NEK7: variants seen among roughly 807,000 people sequenced by gnomAD.
NEK7 encodes the protein NIMA related kinase 7, also known as serine/threonine-protein kinase Nek7.
Under a neutral mutation model 44.6 loss-of-function variants are expected in NEK7, and 18 were observed. That is an observed-to-expected ratio of 0.40 (90% CI 0.28 to 0.60). NEK7 has a LOEUF of 0.60. Ranked by LOEUF, NEK7 falls within the 20% of genes least tolerant of loss-of-function variation. NEK7 has a pLI of 0.38. For synonymous variants in NEK7, 130 were observed against 121.1 expected (o/e 1.07, Z -0.48); for missense variants, 256 against 366.5 (o/e 0.70, Z 2.46).
At chr1:198,301,116 G>A (rs1308959428) in intron 9 of NEK7, among the ~76,000 whole-genome samples, 1 of 152,160 alleles carries the variant, frequency 6.6e-6, no homozygotes, top group African/African-American at 2.4e-5. Flanking sequence ...AACTGATACT[G>A]TTAAAATGTC....
At chr1:198,240,499 CAAAAA>C (rs11415702) in intron 2 of NEK7, among the ~76,000 whole-genome samples, 1 of 123,380 alleles carries the variant, frequency 8.1e-6, no homozygotes, top group African/African-American at 2.7e-5. Flanking sequence ...GACTCCGTCT[CAAAAA>C]AAAAAAAAAA....
chr1:198,199,657 G>T (rs1178091821), intron 1 of NEK7, among the ~76,000 whole-genome samples: 1 of 151,820 alleles, frequency 6.6e-6, no homozygotes, highest in Non-Finnish European at 1.5e-5. Flanking sequence ...ACGTCTTGCT[G>T]ACGTGTATCT....
intron 8 of NEK7, among the ~76,000 whole-genome samples, chr1:198,295,043 AT>A (rs1239263693): frequency 6.6e-6 from 1 of 151,622 alleles, no homozygotes. Context: ...TTGAAAATGT[AT>A]TTTAAACTCA....
At chr1:198,260,901 G>A (rs1653441042) in intron 3 of NEK7, among the ~76,000 whole-genome samples, 2 of 149,346 alleles carry the variant, frequency 1.3e-5, no homozygotes, top group Admixed American at 6.6e-5. Context: ...ATTCTTTAAG[G>A]CAGTGAGTTT....
chr1:198,238,164 C>G (rs1558071658), intron 2 of NEK7, among the ~76,000 whole-genome samples: 1 of 152,112 alleles, frequency 6.6e-6, no homozygotes, highest in African/African-American at 2.4e-5. Flanking sequence ...TAATTTTTCC[C>G]CACCTCCTTG....
chr1:198,320,255 A>G lies in NEK7; in HGVS notation c.*733A>G, dbSNP rs898916107. On this transcript the variant is annotated 3_prime_UTR_variant, in exon 10 of 10. Transcript: ENST00000367385. ...GTTAAGGATTTGTTTAGCTGGTGTG[A>G]TAATAATTTTTAAAGTTGCACATTG... 3.3e-5 allele frequency: 5 copies of G among 152,156 alleles called. No individual in the cohort carries two copies. Among genetic ancestry groups the G allele is most frequent in the Non-Finnish European group, 7.4e-5 (5 of 68,008 alleles). The allele number at this position is 152,156 out of a possible 1,614,324, so 9.4% of individuals were successfully genotyped here.
chr1:198,268,765 A>G (rs573436185), intron 5 of NEK7, among the ~76,000 whole-genome samples: 15 of 152,254 alleles, frequency 9.9e-5, no homozygotes, highest in Admixed American at 4.6e-4. Flanking sequence ...GTGTATTCAC[A>G]TATCCCAAGT....
intron 1 of NEK7, among the ~76,000 whole-genome samples, chr1:198,211,526 T>A (rs1188609605): frequency 6.6e-6 from 1 of 152,228 alleles, no homozygotes; most frequent in African/African-American, 2.4e-5. Context: ...TTGAGGTGTT[T>A]TAATATTTTT....
At chr1:198,315,504 G>A (rs919068188) in intron 9 of NEK7, among the ~76,000 whole-genome samples, 1 of 152,196 alleles carries the variant, frequency 6.6e-6, no homozygotes, top group African/African-American at 2.4e-5. Context: ...GGTATGAGGA[G>A]CCATTGAAAT....
chr1:198,271,765 C>T (rs944472044), intron 5 of NEK7, among the ~76,000 whole-genome samples: 5 of 151,632 alleles, frequency 3.3e-5, no homozygotes, highest in Non-Finnish European at 7.4e-5. Flanking sequence ...CCCACTAAGT[C>T]TTTTGTATGA....
At chr1:198,216,349 G>A (rs1232602443) in intron 1 of NEK7, among the ~76,000 whole-genome samples, 2 of 151,936 alleles carry the variant, frequency 1.3e-5, no homozygotes, top group Non-Finnish European at 2.9e-5. Flanking sequence ...TTAACCATGA[G>A]ATCAAGATGG....
intron 2 of NEK7, among the ~76,000 whole-genome samples, chr1:198,242,964 C>G (rs1292781696): frequency 6.6e-6 from 1 of 151,886 alleles, no homozygotes; most frequent in Non-Finnish European, 1.5e-5. Context: ...GCCACCTCGC[C>G]AGAGTGCTCA....
intron 2 of NEK7, among the ~76,000 whole-genome samples, chr1:198,237,329 G>A (rs996830862): frequency 6.6e-6 from 1 of 152,036 alleles, no homozygotes; most frequent in African/African-American, 2.4e-5. Context: ...CCTCTGCCCC[G>A]AATTCCAAAC....
At chr1:198,157,972 G>A (rs1006172058) in intron 1 of NEK7, among the ~76,000 whole-genome samples, 54 of 152,332 alleles carry the variant, frequency 3.5e-4, no homozygotes, top group African/African-American at 1.1e-3. Flanking sequence ...ACAGAGAAAA[G>A]TGACAAGACC....
At chr1:198,317,883 T>TTTA (rs1553258431) in intron 9 of NEK7, among the ~76,000 whole-genome samples, 14 of 42,810 alleles carry the variant, frequency 3.3e-4, no homozygotes, top group African/African-American at 6.8e-4. Flanking sequence ...ATTTATTTTT[T>TTTA]TTTTTTTTTT....
chr1:198,159,253 A>G (rs367594884), intron 1 of NEK7, among the ~76,000 whole-genome samples: 1 of 152,000 alleles, frequency 6.6e-6, no homozygotes, highest in South Asian at 2.1e-4. Flanking sequence ...TTTTCTAGGG[A>G]TGTCTGCGGA....
chr1:198,200,868 CTCCAG>C (rs1665412131), intron 1 of NEK7, among the ~76,000 whole-genome samples: 1 of 152,092 alleles, frequency 6.6e-6, no homozygotes, highest in African/African-American at 2.4e-5. Flanking sequence ...GCTTTCTATA[CTCCAG>C]TTTTGTCTCC....
At chr1:198,167,516 AGT>A (rs1217051509) in intron 1 of NEK7, among the ~76,000 whole-genome samples, 1 of 152,174 alleles carries the variant, frequency 6.6e-6, no homozygotes, top group East Asian at 1.9e-4. Context: ...AGTACATCTA[AGT>A]GTTAGTTTTA....
intron 3 of NEK7, among the ~76,000 whole-genome samples, chr1:198,262,155 T>C (rs1487848489): frequency 1.3e-5 from 2 of 151,928 alleles, no homozygotes; most frequent in Admixed American, 6.6e-5. Context: ...TGTGACCTTT[T>C]GTCATTCTCC....
Sources: gnomAD v4.1 joint callset for allele counts (sites outside exome capture counted in the v4.1 genomes callset) on GRCh38, gnomAD v4.1.1 for gene constraint, MANE v1.5 for transcripts, NCBI Gene and HGNC (gene_info 2026-07-23, HGNC 2026-07-21) for gene names.